Variants in VWC2L observed in about 807,000 individuals in gnomAD.
VWC2L encodes the protein von Willebrand factor C domain-containing protein 2-like.
A neutral mutation model predicts 21.6 loss-of-function variants in VWC2L; 10 were observed. The observed-to-expected ratio is 0.46, with a 90% CI of 0.29 to 0.78. The LOEUF is 0.78. VWC2L is among the 30% of genes least tolerant of loss of function. The pLI is 0.10. For missense variants in VWC2L, 209 were observed against 277.1 expected, an observed-to-expected ratio of 0.75 and a Z score of 1.74; for synonymous variants, 96 against 94.3, an observed-to-expected ratio of 1.02 and a Z score of -0.10.
At chr2:214,420,578 A>C (rs1702423997) in intron 2 of VWC2L, among the ~76,000 whole-genome samples, 1 of 152,240 alleles carries the variant, frequency 6.6e-6, no homozygotes, top group African/African-American at 2.4e-5. Flanking sequence ...TATATGAAGT[A>C]TGAAGCCTGT....
chr2:214,455,738 T>A (rs1703047204), intron 3 of VWC2L, among the ~76,000 whole-genome samples: 4 of 152,202 alleles, frequency 2.6e-5, no homozygotes, highest in Admixed American at 2.0e-4. Context: ...AACTATCAAT[T>A]GACTCTCTAG....
chr2:214,560,825 G>A (rs925883363), intron 3 of VWC2L, among the ~76,000 whole-genome samples: 2 of 152,170 alleles, frequency 1.3e-5, no homozygotes, highest in Non-Finnish European at 2.9e-5. Flanking sequence ...ACTTATCAAA[G>A]AAACACAATA....
At chr2:214,548,369 A>C (rs1311450317) in intron 3 of VWC2L, among the ~76,000 whole-genome samples, 1 of 152,236 alleles carries the variant, frequency 6.6e-6, no homozygotes, top group Non-Finnish European at 1.5e-5. Context: ...AAAAAAATGC[A>C]TGTTGGCAGA....
At chr2:214,512,866 A>T (rs1169008265) in intron 3 of VWC2L, among the ~76,000 whole-genome samples, 1 of 152,126 alleles carries the variant, frequency 6.6e-6, no homozygotes, top group Non-Finnish European at 1.5e-5. Context: ...GATCACATAA[A>T]CTACAGTATC....
rs115300338 is a variant in VWC2L, at chr2:214,420,607, G to A, written c.390+6024G>A. 3.1e-3 allele frequency among the ~76,000 whole-genome samples: 466 copies of A among 152,312 alleles called. 2 individuals carry two copies. Among genetic ancestry groups the A allele is most frequent in the African/African-American group, 0.011 (449 of 41,570 alleles). ...AGCCTGTATTTATTTTAATAACAGAGAAATCAGTGGATTATGAGAATAGAG... is the reference window on the plus strand; with the variant it reads ...AGCCTGTATTTATTTTAATAACAGAAAAATCAGTGGATTATGAGAATAGAG... On this transcript the variant is annotated intron_variant, in intron 2 of 3. Coordinates refer to ENST00000312504, the MANE Select transcript of VWC2L (RefSeq NM_001080500.4).
chr2:214,527,098 C>A (rs1335020689), intron 3 of VWC2L, among the ~76,000 whole-genome samples: 2 of 152,070 alleles, frequency 1.3e-5, no homozygotes, highest in African/African-American at 4.8e-5. Flanking sequence ...TTCTTTGCAG[C>A]AACATGAATG....
At chr2:214,522,329 C>A (rs12617513) in intron 3 of VWC2L, among the ~76,000 whole-genome samples, 1 of 147,010 alleles carries the variant, frequency 6.8e-6, no homozygotes, top group Non-Finnish European at 1.5e-5. Flanking sequence ...GAGCCGAGAT[C>A]GCGCCACTGC....
At chr2:214,498,476 C>T (rs1349552755) in intron 3 of VWC2L, among the ~76,000 whole-genome samples, 1 of 151,984 alleles carries the variant, frequency 6.6e-6, no homozygotes, top group Non-Finnish European at 1.5e-5. Flanking sequence ...ATGCTTGAAT[C>T]CTCAATATTT....
At chr2:214,458,163 G>C (rs541432869) in intron 3 of VWC2L, among the ~76,000 whole-genome samples, 1 of 152,100 alleles carries the variant, frequency 6.6e-6, no homozygotes, top group Non-Finnish European at 1.5e-5. Flanking sequence ...ATTTCTTCCT[G>C]ATTCAGTCTT....
At chr2:214,480,615 T>C (rs1427517356) in intron 3 of VWC2L, among the ~76,000 whole-genome samples, 1 of 152,096 alleles carries the variant, frequency 6.6e-6, no homozygotes, top group African/African-American at 2.4e-5. Context: ...GCTCCTTTCA[T>C]CTTATTAGTC....
At chr2:214,521,276 T>TC (rs1553599015) in intron 3 of VWC2L, among the ~76,000 whole-genome samples, 8,747 of 134,816 alleles carry the variant, frequency 0.065, 324 homozygotes, top group Non-Finnish European at 0.082. Context: ...AATAAATAAA[T>TC]AAAACTACCA....
intron 3 of VWC2L, among the ~76,000 whole-genome samples, chr2:214,568,487 A>C (rs74715067): frequency 0.028 from 4,320 of 152,306 alleles, 187 homozygotes; most frequent in African/African-American, 0.096. Flanking sequence ...AAAGAGGTTT[A>C]ATGGATTCAC....
At chr2:214,412,092 T>C (rs1047792914) in intron 1 of VWC2L, among the ~76,000 whole-genome samples, 1 of 152,080 alleles carries the variant, frequency 6.6e-6, no homozygotes, top group Non-Finnish European at 1.5e-5. Context: ...TTTTTTACCA[T>C]GCAGATTTTA....
At chr2:214,452,399 A>G (rs1036096712) in intron 3 of VWC2L, among the ~76,000 whole-genome samples, 2 of 152,264 alleles carry the variant, frequency 1.3e-5, no homozygotes, top group Non-Finnish European at 2.9e-5. Flanking sequence ...TTCATTCAGC[A>G]TAATTATTTT....
In VWC2L at chr2:214,411,587, T is replaced by C. The variant is rs1363423764; in HGVS notation, c.-280T>C. ...ATTTCTTATATGTGTCTGCTGTGTT[T>C]CTTTCTGGAAGGGCGGGAGACTGCT... On this transcript the variant is annotated 5_prime_UTR_variant, in exon 1 of 4. Coordinates refer to ENST00000312504, the MANE Select transcript of VWC2L (RefSeq NM_001080500.4). 6.6e-6 allele frequency: 1 copy of C among 152,260 alleles called. No individual in the cohort carries two copies. Among genetic ancestry groups the C allele is most frequent in the African/African-American group, 2.4e-5 (1 of 41,470 alleles). The allele number at this position is 152,260 out of a possible 1,614,324, so 9.4% of individuals were successfully genotyped here. A position where few individuals can be genotyped will look rare whatever the true frequency, so the allele number is the denominator to read the frequency against.
intron 3 of VWC2L, among the ~76,000 whole-genome samples, chr2:214,538,628 ATAT>A (rs1262352066): frequency 6.7e-5 from 10 of 148,808 alleles, no homozygotes; most frequent in African/African-American, 2.2e-4. Context: ...TGTTTAGTAT[ATAT>A]TATTTAGTAC....
intron 3 of VWC2L, among the ~76,000 whole-genome samples, chr2:214,545,140 C>G (rs994823473): frequency 6.6e-6 from 1 of 151,600 alleles, no homozygotes; most frequent in African/African-American, 2.4e-5. Flanking sequence ...TATAAAACTT[C>G]GAAGGATTAT....
chr2:214,563,583 C>CAAAAAAAAAAAAAA (rs1328331072), intron 3 of VWC2L, among the ~76,000 whole-genome samples: 11 of 95,996 alleles, frequency 1.1e-4, no homozygotes, highest in Non-Finnish European at 1.7e-4. Context: ...AAAAAAAAAT[C>CAAAAAAAAAAAAAA]AAGTGGTTCT....
chr2:214,528,704 A>C (rs1260549996), intron 3 of VWC2L, among the ~76,000 whole-genome samples: 1 of 152,122 alleles, frequency 6.6e-6, no homozygotes, highest in African/African-American at 2.4e-5. Context: ...TCGTGATGTC[A>C]AAAAATAACA....
Sources: gnomAD v4.1 joint callset for allele counts (sites outside exome capture counted in the v4.1 genomes callset) on GRCh38, gnomAD v4.1.1 for gene constraint, MANE v1.5 for transcripts, NCBI Gene and HGNC (gene_info 2026-07-23, HGNC 2026-07-21) for gene names.